NTM: variants seen among roughly 807,000 people sequenced by gnomAD.
NTM encodes IgLON family member 2.
NTM carries 13 observed loss-of-function variants against 42.1 expected under a neutral mutation model. The observed-to-expected ratio is 0.31, with a 90% CI of 0.20 to 0.49. NTM has a LOEUF of 0.49. Ranked by LOEUF, NTM falls within the 20% of genes least tolerant of loss-of-function variation. NTM has a pLI of 0.99. For synonymous variants in NTM, 187 were observed against 179.2 expected (o/e 1.04, Z -0.35); for missense variants, 373 against 452.8 (o/e 0.82, Z 1.60).
chr11:131,818,427 G>T (rs2093040578), intron 1 of NTM, among the ~76,000 whole-genome samples: 2 of 152,088 alleles, frequency 1.3e-5, no homozygotes, highest in South Asian at 4.2e-4. Context: ...ATCCCTCTTG[G>T]CTCTAAAGAC....
chr11:132,001,305 A>T (rs1473806273), intron 2 of NTM, among the ~76,000 whole-genome samples: 2 of 152,230 alleles, frequency 1.3e-5, no homozygotes, highest in Non-Finnish European at 2.9e-5. Flanking sequence ...TAAGGATAAG[A>T]AATTTTCTTG....
intron 2 of NTM, among the ~76,000 whole-genome samples, chr11:132,105,910 G>A (rs2062313174): frequency 6.6e-6 from 1 of 152,196 alleles, no homozygotes; most frequent in South Asian, 2.1e-4. Context: ...GAGGGAGGCA[G>A]AGATAGAGAA....
At chr11:131,817,414 C>CT (rs537593600) in intron 1 of NTM, among the ~76,000 whole-genome samples, 5 of 151,508 alleles carry the variant, frequency 3.3e-5, no homozygotes, top group East Asian at 1.9e-4. Context: ...ATAGTACTGA[C>CT]TTTTTTTTTA....
chr11:131,852,239 A>G (rs1360322402), intron 1 of NTM, among the ~76,000 whole-genome samples: 1 of 152,174 alleles, frequency 6.6e-6, no homozygotes, highest in Non-Finnish European at 1.5e-5. Flanking sequence ...GAGGACAGAC[A>G]GATGATCTAT....
chr11:132,214,759 C>T (rs1592271608), intron 4 of NTM, among the ~76,000 whole-genome samples: 3 of 152,188 alleles, frequency 2.0e-5, no homozygotes, highest in Admixed American at 2.0e-4. Flanking sequence ...TGAGCCTGGG[C>T]CAGGTGTCCC....
chr11:132,072,617 G>A (rs1280677652), intron 2 of NTM, among the ~76,000 whole-genome samples: 2 of 152,138 alleles, frequency 1.3e-5, no homozygotes, highest in Admixed American at 6.5e-5. Flanking sequence ...CTGGAGAGAT[G>A]CCATTATGGT....
Position 132,132,095 on chromosome 11 carries a change from G to A in NTM, c.168-14187G>A, listed in dbSNP as rs185779496. 3.8e-4 allele frequency among the ~76,000 whole-genome samples: 56 copies of A among 148,834 alleles called. No homozygotes were observed. In the East Asian group the frequency reaches 9.3e-3, roughly 25 times the overall value. Reference sequence around the variant, plus strand: ...ATTACTTTGGAATGAACCAGCTGATGCAGTTCAAGTGCCCGAGGATACATT... The same window carrying A: ...ATTACTTTGGAATGAACCAGCTGATACAGTTCAAGTGCCCGAGGATACATT... On this transcript the variant is annotated intron_variant, in intron 2 of 8. Transcript: ENST00000683400.
intron 1 of NTM, among the ~76,000 whole-genome samples, chr11:131,620,646 C>G (rs995678772): frequency 1.3e-5 from 2 of 152,146 alleles, no homozygotes; most frequent in African/African-American, 4.8e-5. Context: ...ATGCTCTTGC[C>G]CCTGAAATAC....
chr11:131,704,618 A>G (rs1163101379), intron 1 of NTM, among the ~76,000 whole-genome samples: 2 of 152,234 alleles, frequency 1.3e-5, no homozygotes, highest in East Asian at 3.8e-4. Context: ...AAAATGAAAC[A>G]CTAGTAACTG....
At chr11:132,232,427 C>T (rs1033954991) in intron 4 of NTM, among the ~76,000 whole-genome samples, 3 of 152,192 alleles carry the variant, frequency 2.0e-5, no homozygotes, top group Non-Finnish European at 4.4e-5. Context: ...GTCGCTGCTG[C>T]AGCTGGCTTG....
intron 1 of NTM, chr11:131,661,064 ATTC>A (rs2067979241): frequency 7.7e-7 from 1 of 1,300,356 alleles, no homozygotes; most frequent in Non-Finnish European, 1.0e-6. Context: ...TGCATACTCA[ATTC>A]TTCATCTTTT....
At chr11:132,103,724 G>A (rs1384968740) in intron 2 of NTM, among the ~76,000 whole-genome samples, 2 of 152,282 alleles carry the variant, frequency 1.3e-5, no homozygotes, top group South Asian at 2.1e-4. Flanking sequence ...TGTCTCAACT[G>A]TACCACTGAG....
At chr11:131,875,242 T>TG (rs1233500170) in intron 1 of NTM, among the ~76,000 whole-genome samples, 1 of 150,414 alleles carries the variant, frequency 6.6e-6, no homozygotes, top group Non-Finnish European at 1.5e-5. Context: ...TTGGGCTTCC[T>TG]GGAAACATTT....
rs914731742 is a variant in NTM at position 132,217,327 on chromosome 11, C to T, written c.526+5180C>T. Among the ~76,000 whole-genome samples, 4 of 151,308 alleles carry T rather than the reference C, an allele frequency of 2.6e-5. No homozygotes were observed. In the South Asian group the frequency reaches 8.4e-4, roughly 32 times the overall value. On this transcript the variant is annotated intron_variant, in intron 4 of 8. Coordinates refer to ENST00000683400, the MANE Select transcript of NTM (RefSeq NM_001352005.2). ...AAAGTACTTTAAATTCAGTTCCACT[C>T]TTGTGCCTCTTTCTCTCTCTCTCTC...
intron 1 of NTM, among the ~76,000 whole-genome samples, chr11:131,670,233 A>C (rs886876799): frequency 3.9e-5 from 6 of 152,050 alleles, no homozygotes; most frequent in Non-Finnish European, 8.8e-5. Flanking sequence ...CTCCACCCTC[A>C]TCCCCTTTGG....
intron 1 of NTM, among the ~76,000 whole-genome samples, chr11:131,593,587 G>A (rs966591782): frequency 2.0e-5 from 3 of 152,176 alleles, no homozygotes; most frequent in Non-Finnish European, 4.4e-5. Context: ...CCCCATTAGA[G>A]CTTTGTAAAA....
intron 1 of NTM, among the ~76,000 whole-genome samples, chr11:131,570,866 A>G (rs1044273418): frequency 6.6e-6 from 1 of 152,260 alleles, no homozygotes; most frequent in African/African-American, 2.4e-5. Context: ...TATTCAGTAA[A>G]CAGAATTGCC....
chr11:131,549,441 G>A (rs1354012022), intron 1 of NTM, among the ~76,000 whole-genome samples: 1 of 152,050 alleles, frequency 6.6e-6, no homozygotes, highest in African/African-American at 2.4e-5. Flanking sequence ...TTAGACAGAA[G>A]GAGAGAAAGA....
intron 4 of NTM, among the ~76,000 whole-genome samples, chr11:132,241,041 G>A (rs2090107486): frequency 6.6e-6 from 1 of 152,116 alleles, no homozygotes; most frequent in Non-Finnish European, 1.5e-5. Context: ...TTAAAATACT[G>A]TCTAAAATTA....
Sources: gnomAD v4.1 joint callset for allele counts (sites outside exome capture counted in the v4.1 genomes callset) on GRCh38, gnomAD v4.1.1 for gene constraint, MANE v1.5 for transcripts, NCBI Gene and HGNC (gene_info 2026-07-23, HGNC 2026-07-21) for gene names.